Variants in NEBL observed in about 807,000 individuals in gnomAD.
NEBL encodes the protein nebulette.
A neutral mutation model predicts 140.2 loss-of-function variants in NEBL; 122 were observed. That is an observed-to-expected ratio of 0.87 (90% CI 0.75 to 1.01). The LOEUF (loss-of-function observed/expected upper bound fraction) is 1.01. Ranked by LOEUF, NEBL falls within the 50% of genes least tolerant of loss-of-function variation. The probability of loss-of-function intolerance (pLI) is 0.00; values close to 1 mark genes in which losing one functional copy is unlikely to be tolerated. For synonymous variants in NEBL, 436 were observed against 398.9 expected (o/e 1.09, Z -1.11); for missense variants, 1,365 against 1,231.3 (o/e 1.11, Z -1.62).
At chr10:21,274,710 G>C (rs914208757) in intron 1 of NEBL, among the ~76,000 whole-genome samples, 1 of 151,988 alleles carries the variant, frequency 6.6e-6, no homozygotes, top group Non-Finnish European at 1.5e-5. Flanking sequence ...ACAAGTTTGA[G>C]CCACCACACC....
In NEBL at chr10:20,812,906, C is replaced by T; in HGVS notation, c.2381G>A (p.Gly794Glu). 2 of 1,613,900 alleles carry T rather than the reference C, an allele frequency of 1.2e-6. No homozygotes were observed. The highest frequency in any genetic ancestry group is 1.7e-6 in the Non-Finnish European group (2 of 1,179,912). The change falls in exon 24 of 28, where the codon GGG becomes GAG. Residue 794 changes from glycine to glutamate, a missense_variant. This residue lies in a region of NEBL where 1,323 missense variants were observed against 1,154.8 expected (regional missense o/e 1.15). Coordinates refer to ENST00000377122, the MANE Select transcript of NEBL (RefSeq NM_006393.3). The part of the protein sequence containing the change: ...KYHEDFEKTK[G>E]RGFTPVVDDP... ...GTCCACGACGGGAGTAAAGCCTCTCCCCTTTGTTTTTTCAAAATCTTCATG... is the reference window on the plus strand; with the variant it reads ...GTCCACGACGGGAGTAAAGCCTCTCTCCTTTGTTTTTTCAAAATCTTCATG...
rs760162209 is a variant in NEBL at position 20,808,495 on chromosome 10, G to A, written c.2761+15C>T. The A allele has an allele frequency of 7.4e-6, 12 of 1,613,226 alleles. No homozygotes were observed. The African/African-American group carries it at 1.6e-4, about 22-fold the overall frequency. ...AATGAATCGATTTTCTTTGTAAGCA[G>A]TGAATGTTTGATACCTCCTTCATCA... On this transcript the variant is annotated intron_variant, in intron 26 of 27. Coordinates refer to ENST00000377122, the MANE Select transcript of NEBL (RefSeq NM_006393.3).
intron 4 of NEBL, among the ~76,000 whole-genome samples, chr10:20,922,013 C>G (rs891687341): frequency 4.6e-5 from 7 of 152,278 alleles, no homozygotes; most frequent in African/African-American, 1.7e-4. Context: ...GAAAATAGAG[C>G]AAGCAATGGT....
rs1253502646 is a variant in NEBL at position 20,780,084 on chromosome 10, C to T, written c.*5663G>A. The T allele has an allele frequency of 6.6e-6, 1 of 152,138 alleles. No individual in the cohort carries two copies. The highest frequency in any genetic ancestry group is 2.4e-5 in the African/African-American group (1 of 41,426). The allele number at this position is 152,138 out of a possible 1,614,324, so 9.4% of individuals were successfully genotyped here. ...AGTTTTACAAAATAATACAATAAGACTAGCATCCAAATCGCATAGATTTAT... is the reference window on the plus strand; with the variant it reads ...AGTTTTACAAAATAATACAATAAGATTAGCATCCAAATCGCATAGATTTAT... On this transcript the variant is annotated 3_prime_UTR_variant, in exon 28 of 28. Coordinates refer to ENST00000377122, the MANE Select transcript of NEBL (RefSeq NM_006393.3).
intron 4 of NEBL, among the ~76,000 whole-genome samples, chr10:20,948,666 T>C (rs1344690149): frequency 1.3e-5 from 2 of 152,166 alleles, no homozygotes; most frequent in African/African-American, 4.8e-5. Flanking sequence ...GTTGTTAAAT[T>C]CATTTAGAGA....
chr10:20,932,211 C>T (rs539042563), intron 4 of NEBL, among the ~76,000 whole-genome samples: 4 of 152,310 alleles, frequency 2.6e-5, no homozygotes, highest in East Asian at 1.9e-4. Context: ...AAGTGCCCTT[C>T]GTATACACCA....
intron 2 of NEBL, among the ~76,000 whole-genome samples, chr10:21,117,643 T>G (rs538407843): frequency 6.6e-6 from 1 of 152,180 alleles, no homozygotes; most frequent in Non-Finnish European, 1.5e-5. Flanking sequence ...TCCTATATAT[T>G]GCCTAGTTAT....
chr10:21,003,078 T>C (rs1206406720), intron 3 of NEBL, among the ~76,000 whole-genome samples: 1 of 151,474 alleles, frequency 6.6e-6, no homozygotes, highest in Admixed American at 6.6e-5. Flanking sequence ...GTTTTTCTTC[T>C]CTGTTTTCAC....
At chr10:20,943,465 A>T (rs1008870945) in intron 4 of NEBL, among the ~76,000 whole-genome samples, 1 of 152,208 alleles carries the variant, frequency 6.6e-6, no homozygotes, top group African/African-American at 2.4e-5. Context: ...GGGGAGGGAT[A>T]GCATTAGGAA....
chr10:21,004,440 G>T (rs1190789846), intron 3 of NEBL, among the ~76,000 whole-genome samples: 1 of 152,054 alleles, frequency 6.6e-6, no homozygotes, highest in East Asian at 1.9e-4. Flanking sequence ...AATCACCTGG[G>T]CCGGGCACGG....
chr10:20,786,635 T>C (rs777376563), intron 27 of NEBL, among the ~76,000 whole-genome samples: 1 of 152,156 alleles, frequency 6.6e-6, no homozygotes, highest in Non-Finnish European at 1.5e-5. Context: ...TACCGGACAG[T>C]GTAGAAGAGT....
chr10:20,905,416 G>T (rs1848048641), intron 4 of NEBL, among the ~76,000 whole-genome samples: 1 of 152,144 alleles, frequency 6.6e-6, no homozygotes, highest in Non-Finnish European at 1.5e-5. Flanking sequence ...GGGAAAGCAG[G>T]CACTTCTTAC....
intron 19 of NEBL, among the ~76,000 whole-genome samples, chr10:20,821,245 A>G (rs1839284706): frequency 6.6e-6 from 1 of 152,230 alleles, no homozygotes; most frequent in African/African-American, 2.4e-5. Context: ...TCATCCCTTC[A>G]CAAACATGCT....
chr10:20,992,600 T>C (rs2131689510), intron 3 of NEBL, among the ~76,000 whole-genome samples: 1 of 152,094 alleles, frequency 6.6e-6, no homozygotes, highest in South Asian at 2.1e-4. Context: ...TGACGGTCAC[T>C]ATGCACTTTG....
intron 2 of NEBL, among the ~76,000 whole-genome samples, chr10:21,153,378 TG>T (rs11307223): frequency 0.2 from 30,542 of 151,872 alleles, 3,192 homozygotes; most frequent in East Asian, 0.32. Flanking sequence ...TGGAGTGCAA[TG>T]GTGAGATCTC....
chr10:21,158,712 G>A (rs1368701584), intron 2 of NEBL, among the ~76,000 whole-genome samples: 2 of 152,046 alleles, frequency 1.3e-5, no homozygotes, highest in African/African-American at 2.4e-5. Context: ...TTAATCCAAC[G>A]CAAAACGACT....
At position 20,785,516 on chromosome 10, in the gene NEBL, C is replaced by A. The variant is rs1048993136; in HGVS notation, c.*231G>T. On this transcript the variant is annotated 3_prime_UTR_variant, in exon 28 of 28. Coordinates refer to ENST00000377122, the MANE Select transcript of NEBL (RefSeq NM_006393.3). Reference sequence around the variant, plus strand: ...CAAAGGAAACCATGAACACAATTAGCAGCACCAGGTGTCCAGACACAAAGA... The same window carrying A: ...CAAAGGAAACCATGAACACAATTAGAAGCACCAGGTGTCCAGACACAAAGA... 1 of 563,036 alleles carries A rather than the reference C, an allele frequency of 1.8e-6. No individual in the cohort carries two copies. Among genetic ancestry groups the A allele is most frequent in the Non-Finnish European group, 3.2e-6 (1 of 316,192 alleles). 34.9% of individuals were successfully genotyped at this position (563,036 alleles called of 1,614,324 possible).
At chr10:21,269,953 G>A (rs1842842603) in intron 1 of NEBL, among the ~76,000 whole-genome samples, 1 of 152,162 alleles carries the variant, frequency 6.6e-6, no homozygotes, top group African/African-American at 2.4e-5. Flanking sequence ...AAAGAAATTT[G>A]AGGAGTTCTT....
Position 20,934,543 on chromosome 10 carries a change from C to T in NEBL, c.357+27129G>A, listed in dbSNP as rs552514071. ...TGACTTCCAGACTGAACCTGAAACC[C>T]GTGCTATCCACGATGGGCCCGCTCT... On this transcript the variant is annotated intron_variant, in intron 4 of 6. Coordinates refer to the NEBL transcript ENST00000417816. 1.1e-4 allele frequency among the ~76,000 whole-genome samples: 17 copies of T among 152,206 alleles called. No homozygotes were observed. The South Asian group carries it at 2.5e-3, about 22-fold the overall frequency.
Sources: allele counts gnomAD v4.1 joint callset (sites outside exome capture counted in the v4.1 genomes callset), GRCh38; gene constraint gnomAD v4.1.1; regional missense constraint gnomAD v4.1.1; transcripts MANE v1.5; gene names NCBI Gene and HGNC (gene_info 2026-07-23, HGNC 2026-07-21).